ZBTB20: variants seen among roughly 807,000 people sequenced by gnomAD.
ZBTB20 encodes the protein zinc finger and BTB domain containing 20, also known as zinc finger and BTB domain-containing protein 20.
ZBTB20 carries 9 observed loss-of-function variants against 56.9 expected under a neutral mutation model. The observed-to-expected ratio is 0.16, with a 90% CI of 0.10 to 0.28. The LOEUF (loss-of-function observed/expected upper bound fraction) is 0.28, where lower values mean the gene tolerates loss of function less well. ZBTB20 is among the 10% of genes least tolerant of loss of function. ZBTB20 has a pLI of 1.00. For missense variants in ZBTB20, 655 were observed against 1,003.0 expected, an observed-to-expected ratio of 0.65 and a Z score of 4.69; for synonymous variants, 417 against 420.7, an observed-to-expected ratio of 0.99 and a Z score of 0.11.
At chr3:114,868,731 AT>A (rs1272218955) in intron 4 of ZBTB20, among the ~76,000 whole-genome samples, 1 of 152,210 alleles carries the variant, frequency 6.6e-6, no homozygotes, top group East Asian at 1.9e-4. Flanking sequence ...ACAAATTATT[AT>A]CTTGCATTAG....
chr3:114,376,603 T>C (rs1019638413), intron 10 of ZBTB20, among the ~76,000 whole-genome samples: 3 of 152,170 alleles, frequency 2.0e-5, no homozygotes, highest in Non-Finnish European at 2.9e-5. Flanking sequence ...GAAGAGCCCA[T>C]TGGCCTCTGT....
chr3:115,021,656 C>A (rs1433950501), intron 2 of ZBTB20, among the ~76,000 whole-genome samples: 2 of 150,568 alleles, frequency 1.3e-5, no homozygotes, highest in Non-Finnish European at 3.0e-5. Flanking sequence ...AAACTGAGTT[C>A]TGTAAAAAGG....
intron 6 of ZBTB20, among the ~76,000 whole-genome samples, chr3:114,513,091 A>C (rs1379018091): frequency 2.0e-5 from 3 of 152,216 alleles, no homozygotes; most frequent in South Asian, 4.1e-4. Context: ...ACTCTTCCTC[A>C]ATTTGTTAAA....
At chr3:114,968,954 C>A (rs2108018639) in intron 3 of ZBTB20, among the ~76,000 whole-genome samples, 1 of 152,242 alleles carries the variant, frequency 6.6e-6, no homozygotes, top group East Asian at 1.9e-4. Flanking sequence ...TTTTAATCTA[C>A]AAGTCATCCA....
At chr3:114,746,644 C>A (rs767690966) in intron 5 of ZBTB20, among the ~76,000 whole-genome samples, 1 of 152,136 alleles carries the variant, frequency 6.6e-6, no homozygotes, top group Non-Finnish European at 1.5e-5. Context: ...ACTGTTCAAA[C>A]CATTTTTCAA....
At chr3:114,979,090 AC>A (rs2078227430) in intron 2 of ZBTB20, among the ~76,000 whole-genome samples, 1 of 152,038 alleles carries the variant, frequency 6.6e-6, no homozygotes, top group African/African-American at 2.4e-5. Context: ...GATAACAGCA[AC>A]TACTCAGAAT....
chr3:114,635,408 T>C (rs2059204997), intron 6 of ZBTB20, among the ~76,000 whole-genome samples: 1 of 151,674 alleles, frequency 6.6e-6, no homozygotes, highest in Admixed American at 6.6e-5. Flanking sequence ...ACAAAGAAAA[T>C]CTACAAGGAA....
intron 1 of ZBTB20, among the ~76,000 whole-genome samples, chr3:115,140,866 C>T (rs2084794068): frequency 6.6e-6 from 1 of 152,010 alleles, no homozygotes; most frequent in Non-Finnish European, 1.5e-5. Context: ...ACTCTCTAAA[C>T]TGTGTGTATA....
intron 5 of ZBTB20, among the ~76,000 whole-genome samples, chr3:114,781,302 G>A (rs1362899820): frequency 6.6e-6 from 1 of 152,112 alleles, no homozygotes; most frequent in East Asian, 1.9e-4. Flanking sequence ...AGGATGGAAT[G>A]CCATAAATTT....
At chr3:115,092,634 A>G (rs1047659214) in intron 1 of ZBTB20, among the ~76,000 whole-genome samples, 2 of 152,114 alleles carry the variant, frequency 1.3e-5, no homozygotes, top group Admixed American at 6.6e-5. Flanking sequence ...TTGGCAAGGC[A>G]GTGGACACGG....
At chr3:114,721,312 T>C (rs2222855) in intron 5 of ZBTB20, among the ~76,000 whole-genome samples, 1 of 151,628 alleles carries the variant, frequency 6.6e-6, no homozygotes, top group Non-Finnish European at 1.5e-5. Flanking sequence ...AGCATAAAGG[T>C]AATGAGAGAG....
chr3:114,756,159 A>C lies in ZBTB20; in HGVS notation c.-343+44942T>G, dbSNP rs74510223. On this transcript the variant is annotated intron_variant, in intron 5 of 11. Transcript: ENST00000675478. ...TGGTGCAATAAATAGTAAATAAGAC[A>C]AATAAACAAAACAAAAACATATGTA... is the stretch of plus-strand genomic sequence containing the variant. Among the ~76,000 whole-genome samples the C allele has an allele frequency of 2.0e-3, 305 of 152,280 alleles. 1 individual carries two copies. Among genetic ancestry groups the C allele is most frequent in the African/African-American group, 7.0e-3 (289 of 41,580 alleles).
intron 2 of ZBTB20, among the ~76,000 whole-genome samples, chr3:114,993,373 A>T (rs1187025161): frequency 6.6e-6 from 1 of 151,944 alleles, no homozygotes; most frequent in Non-Finnish European, 1.5e-5. Context: ...ATACATCAAC[A>T]GGAAAGAATA....
intron 2 of ZBTB20, among the ~76,000 whole-genome samples, chr3:114,988,504 T>G (rs1196395832): frequency 6.6e-6 from 1 of 152,128 alleles, no homozygotes; most frequent in Non-Finnish European, 1.5e-5. Context: ...CTATCATTGA[T>G]GGACATTTGG....
chr3:114,446,059 T>G (rs1383252277), intron 7 of ZBTB20, among the ~76,000 whole-genome samples: 1 of 152,144 alleles, frequency 6.6e-6, no homozygotes, highest in East Asian at 1.9e-4. Flanking sequence ...TCATGGTATG[T>G]AGAAACAAAT....
At chr3:114,578,497 C>T (rs1577711980) in intron 6 of ZBTB20, among the ~76,000 whole-genome samples, 2 of 151,744 alleles carry the variant, frequency 1.3e-5, no homozygotes, top group African/African-American at 4.8e-5. Flanking sequence ...CAAAATAAAT[C>T]CACGTCCAGA....
At chr3:114,716,314 A>G (rs1191088756) in intron 5 of ZBTB20, among the ~76,000 whole-genome samples, 1 of 152,170 alleles carries the variant, frequency 6.6e-6, no homozygotes, top group African/African-American at 2.4e-5. Context: ...GATAAATTAC[A>G]GTACATGCCA....
chr3:115,088,205 G>A (rs1488414699), intron 1 of ZBTB20, among the ~76,000 whole-genome samples: 3 of 151,886 alleles, frequency 2.0e-5, no homozygotes, highest in Non-Finnish European at 4.4e-5. Context: ...ACAAAATCAT[G>A]TTTTAATTTC....
chr3:114,579,095 A>C (rs939949887), intron 6 of ZBTB20, among the ~76,000 whole-genome samples: 2 of 151,824 alleles, frequency 1.3e-5, no homozygotes, highest in African/African-American at 4.8e-5. Flanking sequence ...AGAAAAATAC[A>C]CAGTTCAGTA....
Sources: allele counts gnomAD v4.1 joint callset (sites outside exome capture counted in the v4.1 genomes callset), GRCh38; gene constraint gnomAD v4.1.1; transcripts MANE v1.5; gene names NCBI Gene and HGNC (gene_info 2026-07-23, HGNC 2026-07-21).